Variants in SYT6 observed in about 807,000 individuals in gnomAD.
SYT6 encodes synaptotagmin 6, also known as synaptotagmin-6.
SYT6 carries 24 observed loss-of-function variants against 38.4 expected under a neutral mutation model. The observed-to-expected ratio is 0.62, with a 90% CI of 0.45 to 0.88. The LOEUF (loss-of-function observed/expected upper bound fraction) is 0.88, where lower values mean the gene tolerates loss of function less well. Among genes scored for constraint, SYT6 ranks in the 40% least tolerant of loss-of-function variants. The pLI is 0.00. For missense variants in SYT6, 611 were observed against 621.0 expected, an observed-to-expected ratio of 0.98 and a Z score of 0.17; for synonymous variants, 265 against 241.9, an observed-to-expected ratio of 1.10 and a Z score of -0.89.
At chr1:114,128,993 T>C (rs1677917555) in intron 3 of SYT6, among the ~76,000 whole-genome samples, 2 of 152,198 alleles carry the variant, frequency 1.3e-5, no homozygotes, top group South Asian at 4.1e-4. Flanking sequence ...TATATCCAGC[T>C]TCCTATGTAG....
intron 6 of SYT6, among the ~76,000 whole-genome samples, chr1:114,094,899 G>C (rs140832663): frequency 6.6e-6 from 1 of 152,244 alleles, no homozygotes; most frequent in African/African-American, 2.4e-5. Flanking sequence ...TTGCCTCCAA[G>C]CACAATGCAT....
Position 114,139,775 on chromosome 1 carries a change from T to C in SYT6, c.352A>G (p.Lys118Glu). The C allele has an allele frequency of 1.9e-6, 3 of 1,613,176 alleles. No individual in the cohort carries two copies. Among genetic ancestry groups the C allele is most frequent in the Non-Finnish European group, 2.5e-6 (3 of 1,179,438 alleles). ...CCCAGGGTGCTGGGGTCCTTCAGCT[T>C]GTCCGCCATGTTGCCTCTGAAGCTG... ...SPSFRGNMAD[K>E]LKDPSTLGFL... The change falls in exon 2 of 8, where the codon AAG (lysine) becomes GAG (glutamate). Residue 118 changes from lysine to glutamate, a missense_variant. By Grantham distance (56) the Lys-to-Glu change is moderately conservative. Coordinates refer to ENST00000610222, the MANE Select transcript of SYT6 (RefSeq NM_001253772.2).
intron 3 of SYT6, among the ~76,000 whole-genome samples, chr1:114,130,393 G>A (rs748800137): frequency 2.0e-5 from 3 of 152,118 alleles, no homozygotes; most frequent in Non-Finnish European, 1.5e-5. Flanking sequence ...AATAATTCCC[G>A]AGTGATTCCT....
At chr1:114,131,902 A>T (rs998279767) in intron 3 of SYT6, among the ~76,000 whole-genome samples, 2 of 152,244 alleles carry the variant, frequency 1.3e-5, no homozygotes, top group Non-Finnish European at 2.9e-5. Flanking sequence ...AAGAAAAAAC[A>T]GAACAAAACA....
chr1:114,096,305 G>A (rs1675638846), intron 6 of SYT6, among the ~76,000 whole-genome samples: 1 of 152,140 alleles, frequency 6.6e-6, no homozygotes, highest in South Asian at 2.1e-4. Flanking sequence ...GCTGAGAGAT[G>A]AGGGACTGGC....
intron 3 of SYT6, among the ~76,000 whole-genome samples, chr1:114,128,592 C>A (rs892815122): frequency 3.3e-5 from 5 of 152,208 alleles, no homozygotes; most frequent in African/African-American, 1.2e-4. Flanking sequence ...CGGGTTCCAC[C>A]AAAGCGGCCC....
intron 3 of SYT6, among the ~76,000 whole-genome samples, chr1:114,127,923 C>T (rs913154004): frequency 3.3e-5 from 5 of 152,322 alleles, no homozygotes; most frequent in South Asian, 2.1e-4. Context: ...GCACAGCTCC[C>T]GTTGAGCAGC....
intron 3 of SYT6, among the ~76,000 whole-genome samples, chr1:114,135,949 T>C (rs928788417): frequency 2.0e-5 from 3 of 152,064 alleles, no homozygotes; most frequent in Non-Finnish European, 4.4e-5. Flanking sequence ...ATTTATGGAG[T>C]GGAGCGCTCG....
chr1:114,139,854 C>T lies in SYT6; in HGVS notation c.273G>A (p.Lys91=), dbSNP rs1275334965. ...WKLCWMPWRN[K]EASSPSSANP... The stretch of plus-strand genomic sequence containing the variant: ...TAGCAGAAGAGGGACTGGAGGCCTC[C>T]TTGTTCCTCCAGGGCATCCAGCACA... Residue 91 remains lysine (K), a synonymous_variant, in exon 2 of 8, where the codon AAG becomes AAA. Transcript: ENST00000610222. The T allele has an allele frequency of 6.3e-7, 1 of 1,582,576 alleles. No homozygotes were observed. The highest frequency in any genetic ancestry group is 8.6e-7 in the Non-Finnish European group (1 of 1,164,550).
At chr1:114,127,905 G>A (rs1005127155) in intron 3 of SYT6, among the ~76,000 whole-genome samples, 2 of 152,166 alleles carry the variant, frequency 1.3e-5, no homozygotes, top group Non-Finnish European at 2.9e-5. Context: ...AAAGACAACC[G>A]GGGAGCTGCA....
intron 3 of SYT6, among the ~76,000 whole-genome samples, chr1:114,130,540 A>T (rs1038546024): frequency 1.3e-5 from 2 of 152,054 alleles, no homozygotes; most frequent in Non-Finnish European, 2.9e-5. Context: ...TCCTTCTGCC[A>T]TCTGTATCCC....
In SYT6 at chr1:114,153,821, G is replaced by A; in HGVS notation, c.-49C>T. 1.7e-6 allele frequency: 1 copy of A among 597,836 alleles called. No individual in the cohort carries two copies. The highest frequency in any genetic ancestry group is 2.9e-6 in the Non-Finnish European group (1 of 343,094). 37.0% of individuals were successfully genotyped at this position (597,836 alleles called of 1,614,324 possible). On this transcript the variant is annotated 5_prime_UTR_variant, in exon 1 of 8. Transcript: ENST00000610222. ...AGCAGCAGCTCGAACCCGCGCCCCGGCCGCACTGGGGCGGGGCACGACGGC... is the reference window on the plus strand; with the variant it reads ...AGCAGCAGCTCGAACCCGCGCCCCGACCGCACTGGGGCGGGGCACGACGGC...
rs143372316 is a variant in SYT6 at position 114,139,635 on chromosome 1, T to C, written c.492A>G (p.Thr164=). 2.2e-4 allele frequency: 363 copies of C among 1,614,156 alleles called. 2 individuals are homozygous for C. The African/African-American group carries it at 4.2e-3, about 19-fold the overall frequency. ...CTCACCTGGTGGATGACGCTGGCTCTGTAGTTTGCCGCTGCAGCCGGGTGT... is the reference window on the plus strand; with the variant it reads ...CTCACCTGGTGGATGACGCTGGCTCCGTAGTTTGCCGCTGCAGCCGGGTGT... ...MRHTRLQRQT[T]EPASSTRHTS... is the part of the protein sequence containing the mutation. The change falls in exon 2 of 8, where the codon ACA becomes ACG. Residue 164 remains threonine (T), a synonymous_variant. Coordinates refer to ENST00000610222, the MANE Select transcript of SYT6 (RefSeq NM_001253772.2).
intron 5 of SYT6, among the ~76,000 whole-genome samples, 183 bp downstream of exon 5, chr1:114,098,911 C>A (rs1571818147): frequency 2.0e-5 from 3 of 152,302 alleles, no homozygotes; most frequent in East Asian, 3.9e-4. Context: ...AACTTTGAAC[C>A]TTTGCTAAGG....
intron 6 of SYT6, among the ~76,000 whole-genome samples, chr1:114,094,407 G>A (rs190218216): frequency 6.6e-6 from 1 of 152,268 alleles, no homozygotes; most frequent in African/African-American, 2.4e-5. Context: ...ATCTGAACCC[G>A]GCCCCCGTAA....
rs201690515 is a variant in SYT6, at chr1:114,148,447, TTGG to T, written c.163+5160_163+5162del. On this transcript the variant is annotated intron_variant, in intron 1 of 7. Transcript: ENST00000610222. ...AGAAGGCTGGCTTCAGGGCCTGGAA[TTGG>T]TGGTGGACCCTCAGAAACGGTCAGT... Among the ~76,000 whole-genome samples the T allele has an allele frequency of 9.3e-3, 1,424 of 152,318 alleles. 16 individuals are homozygous for T. The highest frequency in any genetic ancestry group is 0.033 in the African/African-American group (1,376 of 41,564).
At chr1:114,118,767 T>C (rs909979784) in intron 3 of SYT6, among the ~76,000 whole-genome samples, 23 of 152,148 alleles carry the variant, frequency 1.5e-4, no homozygotes, top group African/African-American at 5.3e-4. Flanking sequence ...CCCACCCCCA[T>C]CTGCCTCTCC....
At chr1:114,119,944 A>G (rs1450777391) in intron 3 of SYT6, among the ~76,000 whole-genome samples, 1 of 151,848 alleles carries the variant, frequency 6.6e-6, no homozygotes, top group Non-Finnish European at 1.5e-5. Context: ...GGTGGCAGGC[A>G]CCTGTAGTCC....
Position 114,097,869 on chromosome 1 carries a change from T to C in SYT6, c.1373A>G (p.His458Arg). ...ACGACAGACTCCTATGATCTCATTG[T>C]GGCCCACTCTGAGGGAGAAACAAAA... ...ISVMDYDRVG[H>R]NEIIGVCRVG... Residue 458 changes from histidine to arginine, a missense_variant, in exon 6 of 8, where the codon CAC (histidine) becomes CGC (arginine). By Grantham distance (29) the His-to-Arg change is conservative (BLOSUM62 0). Transcript: ENST00000610222. 6.2e-7 allele frequency: 1 copy of C among 1,614,122 alleles called. No individual in the cohort carries two copies.
Sources: gnomAD v4.1 joint callset for allele counts (sites outside exome capture counted in the v4.1 genomes callset) on GRCh38, gnomAD v4.1.1 for gene constraint, MANE v1.5 for transcripts, NCBI Gene and HGNC (gene_info 2026-07-23, HGNC 2026-07-21) for gene names.